GFPT2: variants seen among roughly 807,000 people sequenced by gnomAD.
The protein encoded by GFPT2 is glutamine--fructose-6-phosphate transaminase 2.
Under a neutral mutation model 85.6 loss-of-function variants are expected in GFPT2, and 62 were observed. The observed-to-expected ratio is 0.72, with a 90% CI of 0.59 to 0.90. The LOEUF (loss-of-function observed/expected upper bound fraction) is 0.90. GFPT2 is among the 40% of genes least tolerant of loss of function. The pLI is 0.00. For missense variants in GFPT2, 788 were observed against 893.4 expected (o/e 0.88, Z 1.50); for synonymous variants, 368 against 344.5 (o/e 1.07, Z -0.75).
intron 12 of GFPT2, 103 bp from the exon 13 acceptor site, chr5:180,316,564 TG>T: frequency 7.5e-7 from 1 of 1,335,384 alleles, no homozygotes; most frequent in Non-Finnish European, 1.1e-6. Flanking sequence ...GGAACCTCAC[TG>T]TCCAGGTGGC....
intron 13 of GFPT2, among the ~76,000 whole-genome samples, chr5:180,315,480 TTA>T (rs1763989977): frequency 6.6e-6 from 1 of 151,988 alleles, no homozygotes; most frequent in African/African-American, 2.4e-5. Flanking sequence ...GCCCGGCCGG[TTA>T]TATGTTTTTC....
chr5:180,335,876 C>A lies in GFPT2; in HGVS notation c.292G>T (p.Val98Phe), dbSNP rs1004591553. The change falls in exon 4 of 19, where the codon GTC becomes TTC. Residue 98 changes from valine to phenylalanine, a missense_variant. Transcript: ENST00000253778. Reference sequence around the variant, plus strand: ...GGGTGGCTGTTGACAGCACTGGGGACCCCGTGGGTGGCCCAGCGCGTGTGG... The same window carrying A: ...GGGTGGCTGTTGACAGCACTGGGGAACCCGTGGGTGGCCCAGCGCGTGTGG... ...IAHTRWATHG[V>F]PSAVNSHPQR... 4 of 1,586,930 alleles carry A rather than the reference C, an allele frequency of 2.5e-6. No homozygotes were observed. In the African/African-American group the frequency reaches 4.1e-5, roughly 16 times the overall value.
At chr5:180,351,946 G>A (rs767977251) in intron 1 of GFPT2, among the ~76,000 whole-genome samples, 1 of 152,172 alleles carries the variant, frequency 6.6e-6, no homozygotes, top group Admixed American at 6.5e-5. Context: ...ACACTGAGAG[G>A]TGTGGAACAT....
chr5:180,333,140 C>T (rs993873152), intron 4 of GFPT2, among the ~76,000 whole-genome samples: 1 of 152,138 alleles, frequency 6.6e-6, no homozygotes, highest in Non-Finnish European at 1.5e-5. Flanking sequence ...GCTTCTTGTG[C>T]ACACCAGTTA....
At position 180,328,602 on chromosome 5, in the gene GFPT2, C is replaced by A. The variant is rs758612821; in HGVS notation, c.535-264G>T. Among the ~76,000 whole-genome samples the A allele has an allele frequency of 1.3e-5, 2 of 152,226 alleles. No individual in the cohort carries two copies. The highest frequency in any genetic ancestry group is 4.8e-5 in the African/African-American group (2 of 41,452). ...TTGCCCAGGCCCACAGGGAGCCCGG[C>A]AGGGGTGCCAGCTGGGTAGACGGGG... On this transcript the variant is annotated intron_variant, in intron 6 of 18. Transcript: ENST00000253778. The surrounding 1 kb of genome is among the most constrained non-coding windows in gnomAD (Gnocchi z 5.4).
chr5:180,345,206 A>C (rs892199716), intron 1 of GFPT2, among the ~76,000 whole-genome samples: 2 of 152,284 alleles, frequency 1.3e-5, no homozygotes, highest in African/African-American at 4.8e-5. Flanking sequence ...AGTACCATTT[A>C]CTGTCATTTC....
At chr5:180,349,360 T>C (rs944639212) in intron 1 of GFPT2, among the ~76,000 whole-genome samples, 3 of 152,138 alleles carry the variant, frequency 2.0e-5, no homozygotes, top group Non-Finnish European at 4.4e-5. Flanking sequence ...GTGAAATTCA[T>C]TTTCAGAATT....
chr5:180,330,979 C>T lies in GFPT2; in HGVS notation c.400-145G>A. 1 of 686,846 alleles carries T rather than the reference C, an allele frequency of 1.5e-6. No homozygotes were observed. The allele number at this position is 686,846 out of a possible 1,614,324, so 42.5% of individuals were successfully genotyped here. On this transcript the variant is annotated intron_variant, in intron 5 of 18. Transcript: ENST00000253778. This position sits in a 1 kb window ranked among gnomAD's most constrained non-coding sequence, Gnocchi z 4.4. Reference sequence around the variant, plus strand: ...CCGGGAAGGGGGGAAAAATGTTTGCCAGCATCACAGCCAAATACCTCTGAG... The same window carrying T: ...CCGGGAAGGGGGGAAAAATGTTTGCTAGCATCACAGCCAAATACCTCTGAG...
At chr5:180,353,086 C>G in intron 1 of GFPT2, 125 bp downstream of exon 1, 1 of 774,854 alleles carries the variant, frequency 1.3e-6, no homozygotes. Flanking sequence ...GGTAGGGGCC[C>G]GGGGCAGATC....
In GFPT2 at chr5:180,301,424, G is replaced by A; in HGVS notation, c.*140C>T. 1.3e-6 allele frequency: 1 copy of A among 748,718 alleles called. No homozygotes were observed. Among genetic ancestry groups the A allele is most frequent in the South Asian group, 1.6e-5 (1 of 61,758 alleles). The allele number at this position is 748,718 out of a possible 1,614,324, so 46.4% of individuals were successfully genotyped here. A position where few individuals can be genotyped will look rare whatever the true frequency, so the allele number is the denominator to read the frequency against. On this transcript the variant is annotated 3_prime_UTR_variant, in exon 19 of 19. Transcript: ENST00000253778. ...TGTAAGCAAAAGCACTTGGGTAGAA[G>A]GCACGTGGAAGCTGTCAAGCTCTAC... is the stretch of plus-strand genomic sequence containing the variant.
intron 2 of GFPT2, among the ~76,000 whole-genome samples, chr5:180,337,099 C>T (rs1162207743): frequency 6.6e-6 from 1 of 152,216 alleles, no homozygotes; most frequent in Non-Finnish European, 1.5e-5. Flanking sequence ...GAATGGAGGC[C>T]TGAACTCTGG....
rs569592713 is a variant in GFPT2 at position 180,348,541 on chromosome 5, C to T, written c.7+4670G>A. ...TCTTACAGAAAGACAGAGGAGCCTGCGGGCCTGGCGGGGGCCCTGAGCAGA... is the reference window on the plus strand; with the variant it reads ...TCTTACAGAAAGACAGAGGAGCCTGTGGGCCTGGCGGGGGCCCTGAGCAGA... On this transcript the variant is annotated intron_variant, in intron 1 of 18. Transcript: ENST00000253778. Among the ~76,000 whole-genome samples, 57 of 152,092 alleles carry T rather than the reference C, an allele frequency of 3.7e-4. No homozygotes were observed. The East Asian group carries it at 8.0e-3, about 21-fold the overall frequency.
chr5:180,307,213 C>A lies in GFPT2; in HGVS notation c.1637G>T (p.Arg546Leu), dbSNP rs756332218. The A allele has an allele frequency of 6.2e-7, 1 of 1,608,070 alleles. No homozygotes were observed. Among genetic ancestry groups the A allele is most frequent in the African/African-American group, 1.3e-5 (1 of 74,950 alleles). Residue 546 changes from arginine (R) to leucine (L), a missense_variant, in exon 16 of 19, where the codon CGG becomes CTG. Physicochemically the swap from Arg to Leu is moderately radical, Grantham distance 102. Coordinates refer to ENST00000253778, the MANE Select transcript of GFPT2 (RefSeq NM_005110.4). ...YTQRSLLVMG[R>L]GYNYATCLEG... ...CAGGCAGGTGGCATAGTTGTAGCCC[C>A]GCCCCATCACCAGCAGCGATCTCTG... is the stretch of plus-strand genomic sequence containing the variant.
chr5:180,331,032 C>A (rs578206194), intron 5 of GFPT2, 198 bp from the exon 6 acceptor site: 421 of 577,392 alleles, frequency 7.3e-4, no homozygotes, highest in Non-Finnish European at 1.0e-3. Flanking sequence ...GAGATCATCC[C>A]ACCTCAGAAG....
chr5:180,309,613 C>T (rs2080957), intron 15 of GFPT2, among the ~76,000 whole-genome samples: 114,299 of 151,922 alleles, frequency 0.75, 43,482 homozygotes, highest in East Asian at 0.92. Flanking sequence ...GGTTTCACTG[C>T]GTTGGTCAGG....
At chr5:180,316,596 C>T in intron 12 of GFPT2, 135 bp from the exon 13 acceptor site, 2 of 1,012,852 alleles carry the variant, frequency 2.0e-6, no homozygotes, top group South Asian at 3.0e-5. Flanking sequence ...CGGTCACCCA[C>T]AGGCCACCTC....
At chr5:180,308,017 A>G (rs1191656576) in intron 15 of GFPT2, among the ~76,000 whole-genome samples, 1 of 151,260 alleles carries the variant, frequency 6.6e-6, no homozygotes, top group African/African-American at 2.4e-5. Context: ...AGCACTTTGG[A>G]AGGCTGGGGC....
intron 6 of GFPT2, among the ~76,000 whole-genome samples, chr5:180,329,372 CA>C (rs1764266177): frequency 1.3e-5 from 2 of 152,212 alleles, no homozygotes; most frequent in Admixed American, 6.5e-5. Flanking sequence ...AATGGAAAAA[CA>C]CTGCACGTTC....
Position 180,353,143 on chromosome 5 carries a change from G to C in GFPT2, c.7+68C>G, listed in dbSNP as rs570784614. ...GGCGCCTGCTTGCGGGCGGAGGCGC[G>C]GAGAGGCTGCGGCGCCGGGACCCGC... On this transcript the variant is annotated intron_variant, in intron 1 of 18. Coordinates refer to ENST00000253778, the MANE Select transcript of GFPT2 (RefSeq NM_005110.4). The C allele has an allele frequency of 5.8e-6, 7 of 1,207,978 alleles. No individual in the cohort carries two copies. In the South Asian group the frequency reaches 1.3e-4, roughly 22 times the overall value. The allele number at this position is 1,207,978 out of a possible 1,614,324, so 74.8% of individuals were successfully genotyped here.
Sources: gnomAD v4.1 joint callset for allele counts (sites outside exome capture counted in the v4.1 genomes callset) on GRCh38, gnomAD v4.1.1 for gene constraint, Gnocchi (gnomAD v3.1) non-coding constraint, MANE v1.5 for transcripts, NCBI Gene and HGNC (gene_info 2026-07-23, HGNC 2026-07-21) for gene names.